Variants in ENTHD1 observed in about 807,000 individuals in gnomAD.
The protein encoded by ENTHD1 is ENTH domain-containing protein 1.
Under a neutral mutation model 39.1 loss-of-function variants are expected in ENTHD1, and 23 were observed. The observed-to-expected ratio is 0.59, with a 90% CI of 0.42 to 0.83. The LOEUF (loss-of-function observed/expected upper bound fraction) is 0.83, where lower values mean the gene tolerates loss of function less well. ENTHD1 is among the 40% of genes least tolerant of loss of function. ENTHD1 has a pLI of 0.00. For missense variants in ENTHD1, 624 were observed against 705.4 expected (o/e 0.88, Z 1.31); for synonymous variants, 230 against 258.2 (o/e 0.89, Z 1.05).
At chr22:39,792,782 T>C (rs1030920549) in intron 5 of ENTHD1, among the ~76,000 whole-genome samples, 5 of 152,196 alleles carry the variant, frequency 3.3e-5, no homozygotes, top group Non-Finnish European at 7.3e-5. Context: ...TCTTTGAATG[T>C]CCGAGTATCC....
rs2065134163 is a variant in ENTHD1, at chr22:39,749,750, G to A, written c.1220-5467C>T. Among the ~76,000 whole-genome samples the A allele has an allele frequency of 2.0e-5, 3 of 152,190 alleles. No homozygotes were observed. The South Asian group carries it at 6.2e-4, about 32-fold the overall frequency. ...CCATGGTTTAAAATGTAACACTGAG[G>A]GGTCCTGTCCTCGGGACCGGTGATA... On this transcript the variant is annotated intron_variant, in intron 6 of 6. Coordinates refer to ENST00000325157, the MANE Select transcript of ENTHD1 (RefSeq NM_152512.4).
chr22:39,761,387 A>G (rs1004053223), intron 6 of ENTHD1, among the ~76,000 whole-genome samples: 7 of 152,178 alleles, frequency 4.6e-5, no homozygotes, highest in African/African-American at 1.4e-4. Context: ...CAGCTGTCCA[A>G]CTATGATGTG....
intron 5 of ENTHD1, among the ~76,000 whole-genome samples, chr22:39,769,831 T>G (rs1191966554): frequency 6.6e-6 from 1 of 152,122 alleles, no homozygotes; most frequent in Admixed American, 6.5e-5. Context: ...TGTCAACAAA[T>G]TTTGTGAAAA....
At chr22:39,832,559 T>C (rs1189334371) in intron 4 of ENTHD1, among the ~76,000 whole-genome samples, 5 of 152,162 alleles carry the variant, frequency 3.3e-5, no homozygotes, top group African/African-American at 1.2e-4. Context: ...AAGAGCTATA[T>C]GCTAAAATTA....
chr22:39,876,891 A>C (rs1381041895), intron 2 of ENTHD1, among the ~76,000 whole-genome samples: 1 of 152,222 alleles, frequency 6.6e-6, no homozygotes, highest in Non-Finnish European at 1.5e-5. Flanking sequence ...ATATATATTG[A>C]GTGATCCTAC....
chr22:39,766,738 C>CTT (rs1484953505), intron 5 of ENTHD1, among the ~76,000 whole-genome samples: 1 of 152,132 alleles, frequency 6.6e-6, no homozygotes, highest in Non-Finnish European at 1.5e-5. Flanking sequence ...AGAAAAGAAA[C>CTT]TTTTCTTTGT....
chr22:39,784,856 TTAGA>T (rs1267823874), intron 5 of ENTHD1, among the ~76,000 whole-genome samples: 2 of 152,132 alleles, frequency 1.3e-5, no homozygotes, highest in Non-Finnish European at 2.9e-5. Context: ...AGACCTCATG[TTAGA>T]TAGATCAGTA....
intron 6 of ENTHD1, among the ~76,000 whole-genome samples, chr22:39,752,973 T>C (rs958728544): frequency 6.6e-6 from 1 of 152,230 alleles, no homozygotes; most frequent in Non-Finnish European, 1.5e-5. Context: ...AGTGCATGGT[T>C]AATGGGTCTT....
At chr22:39,842,024 G>C (rs2065948001) in intron 3 of ENTHD1, among the ~76,000 whole-genome samples, 1 of 151,190 alleles carries the variant, frequency 6.6e-6, no homozygotes, top group Non-Finnish European at 1.5e-5. Flanking sequence ...ATGAATTTCT[G>C]GGTTGAAAAT....
Position 39,821,050 on chromosome 22 carries a change from C to T in ENTHD1, c.775G>A (p.Val259Ile). ...LPLLATPPSI[V>I]SPITCLSEAE... is the part of the protein sequence containing the mutation. ...TCTGACAAGCAAGTGATTGGAGAGA[C>T]AATGGAAGGAGGTGTTGCTAGTAAA... Residue 259 changes from valine to isoleucine, a missense_variant, in exon 5 of 7, where the codon GTC becomes ATC. By Grantham distance (29) the Val-to-Ile change is conservative. Transcript: ENST00000325157. The T allele has an allele frequency of 6.2e-7, 1 of 1,613,948 alleles. No homozygotes were observed. The highest frequency in any genetic ancestry group is 8.5e-7 in the Non-Finnish European group (1 of 1,179,940).
At chr22:39,761,866 T>C (rs186382197) in intron 6 of ENTHD1, among the ~76,000 whole-genome samples, 5 of 152,324 alleles carry the variant, frequency 3.3e-5, no homozygotes, top group Non-Finnish European at 7.4e-5. Context: ...TTGTAATAGC[T>C]GCTTTTAGAA....
chr22:39,847,723 A>G (rs2066002146), intron 3 of ENTHD1, among the ~76,000 whole-genome samples: 1 of 152,136 alleles, frequency 6.6e-6, no homozygotes, highest in African/African-American at 2.4e-5. Flanking sequence ...ACTTCTTGAT[A>G]TTGATCTGGG....
At chr22:39,744,343 A>G in intron 6 of ENTHD1, 60 bp from the exon 7 acceptor site, 1 of 1,443,172 alleles carries the variant, frequency 6.9e-7, no homozygotes, top group South Asian at 1.5e-5. Context: ...AGTAATAGCT[A>G]AAATAATTTT....
At chr22:39,756,912 AG>A (rs1004622702) in intron 6 of ENTHD1, among the ~76,000 whole-genome samples, 2 of 152,130 alleles carry the variant, frequency 1.3e-5, no homozygotes, top group Non-Finnish European at 2.9e-5. Flanking sequence ...ATTAGGTAGT[AG>A]GAGTCCTCCA....
intron 2 of ENTHD1, among the ~76,000 whole-genome samples, chr22:39,862,286 A>C (rs1189981793): frequency 1.3e-5 from 2 of 152,128 alleles, no homozygotes; most frequent in Non-Finnish European, 2.9e-5. Flanking sequence ...GCGGTGGCTC[A>C]TGGCTGTAAT....
intron 2 of ENTHD1, among the ~76,000 whole-genome samples, chr22:39,869,811 T>C (rs545466016): frequency 6.6e-6 from 1 of 151,304 alleles, no homozygotes; most frequent in Non-Finnish European, 1.5e-5. Context: ...TATAAAAGTA[T>C]AAAACAAAAC....
chr22:39,856,353 T>C lies in ENTHD1; in HGVS notation c.592+5412A>G, dbSNP rs187264263. Among the ~76,000 whole-genome samples, 250 of 152,232 alleles carry C rather than the reference T, an allele frequency of 1.6e-3. 2 individuals carry two copies. Among genetic ancestry groups the C allele is most frequent in the Non-Finnish European group, 1.5e-3 (102 of 68,002 alleles). On this transcript the variant is annotated intron_variant, in intron 3 of 6. Coordinates refer to ENST00000325157, the MANE Select transcript of ENTHD1 (RefSeq NM_152512.4). ...CCCCAACTCCAAACTGTCAGTTTTC[T>C]TTCTTCCTTTAAAATACAGCTTCAG... is the stretch of plus-strand genomic sequence containing the variant.
chr22:39,879,598 T>A (rs1302944634), intron 2 of ENTHD1, among the ~76,000 whole-genome samples: 1 of 151,546 alleles, frequency 6.6e-6, no homozygotes, highest in Admixed American at 6.6e-5. Flanking sequence ...CCTATTAGGA[T>A]GACCAAAATC....
intron 1 of ENTHD1, among the ~76,000 whole-genome samples, chr22:39,890,036 T>A (rs1454557136): frequency 6.6e-6 from 1 of 151,568 alleles, no homozygotes. Context: ...AGGCAGAGGT[T>A]GCACTGAGCC....
Sources: gnomAD v4.1 joint callset for allele counts (sites outside exome capture counted in the v4.1 genomes callset) on GRCh38, gnomAD v4.1.1 for gene constraint, MANE v1.5 for transcripts, NCBI Gene and HGNC (gene_info 2026-07-23, HGNC 2026-07-21) for gene names.